Variants in DOCK9 observed in about 807,000 individuals in gnomAD.
DOCK9 encodes dedicator of cytokinesis protein 9.
Under a neutral mutation model 263.3 loss-of-function variants are expected in DOCK9, and 89 were observed. The ratio of observed to expected loss-of-function variants is 0.34; its 90% CI spans 0.28 to 0.40. DOCK9 has a LOEUF of 0.40. Among genes scored for constraint, DOCK9 ranks in the 10% least tolerant of loss-of-function variants. DOCK9 has a pLI of 1.00. For synonymous variants in DOCK9, 976 were observed against 973.1 expected (o/e 1.00, Z -0.06); for missense variants, 2,140 against 2,603.4 (o/e 0.82, Z 3.87).
intron 8 of DOCK9, 104 bp downstream of exon 8, chr13:98,915,225 T>C: frequency 1.8e-6 from 2 of 1,117,310 alleles, no homozygotes; most frequent in East Asian, 5.0e-5. Flanking sequence ...CCGTCCCACC[T>C]CTCATGTACT....
chr13:98,988,217 C>T (rs1210232314), intron 1 of DOCK9, among the ~76,000 whole-genome samples: 1 of 152,032 alleles, frequency 6.6e-6, no homozygotes, highest in South Asian at 2.1e-4. Context: ...GGCAGGTGAG[C>T]GAGGTATTCA....
At chr13:98,852,020 C>T (rs1356072785) in intron 35 of DOCK9, among the ~76,000 whole-genome samples, 1 of 152,076 alleles carries the variant, frequency 6.6e-6, no homozygotes, top group Non-Finnish European at 1.5e-5. Flanking sequence ...TAAAGAATAA[C>T]TTTTACTTGA....
chr13:98,809,184 T>TA, intron 47 of DOCK9, 168 bp downstream of exon 47: 1 of 1,398,496 alleles, frequency 7.2e-7, no homozygotes, highest in African/African-American at 1.5e-5. Flanking sequence ...GAAAGTTTAC[T>TA]ACTGAGGAAG....
At chr13:98,895,000 A>C (rs1456761182) in intron 15 of DOCK9, among the ~76,000 whole-genome samples, 1 of 147,466 alleles carries the variant, frequency 6.8e-6, no homozygotes, top group Non-Finnish European at 1.5e-5. Context: ...GGGGCGTGGC[A>C]GCATGCGCTA....
chr13:98,862,704 A>G (rs1200742949), intron 32 of DOCK9, among the ~76,000 whole-genome samples: 3 of 148,708 alleles, frequency 2.0e-5, no homozygotes, highest in African/African-American at 2.5e-5. Context: ...AAAAAAAAAA[A>G]TGAAGAGAGG....
At chr13:98,971,248 T>G (rs976700429) in intron 1 of DOCK9, among the ~76,000 whole-genome samples, 1 of 152,218 alleles carries the variant, frequency 6.6e-6, no homozygotes, top group Admixed American at 6.5e-5. Flanking sequence ...ACCAGCCAGC[T>G]GGACATTGTT....
intron 1 of DOCK9, among the ~76,000 whole-genome samples, chr13:98,962,560 C>A (rs188151732): frequency 6.6e-6 from 1 of 151,692 alleles, no homozygotes; most frequent in Non-Finnish European, 1.5e-5. Flanking sequence ...AAAGGCAAAG[C>A]CTGGCAAACT....
At chr13:98,901,940 A>G (rs1379101679) in intron 12 of DOCK9, 40 bp from the exon 13 acceptor site, 10 of 1,601,090 alleles carry the variant, frequency 6.2e-6, no homozygotes, top group Non-Finnish European at 8.5e-6. Context: ...CAGAATTCAC[A>G]GCTACGTTAA....
At chr13:98,974,547 C>T (rs1361254924) in intron 1 of DOCK9, among the ~76,000 whole-genome samples, 14 of 151,916 alleles carry the variant, frequency 9.2e-5, no homozygotes, top group Non-Finnish European at 1.6e-4. Context: ...GTCAGGAGTT[C>T]GAAACCAGCC....
At chr13:98,885,231 T>C (rs1480002175) in intron 20 of DOCK9, 139 bp from the exon 21 acceptor site, 5 of 1,173,298 alleles carry the variant, frequency 4.3e-6, no homozygotes, top group Non-Finnish European at 5.9e-6. Context: ...ATGCCCTAAA[T>C]GTAATCTCTG....
At chr13:98,885,614 C>T in intron 20 of DOCK9, 94 bp downstream of exon 20, 1 of 1,381,240 alleles carries the variant, frequency 7.2e-7, no homozygotes, top group Non-Finnish European at 9.7e-7. Flanking sequence ...TTAAAGATCC[C>T]TTTGCAAAAA....
At chr13:98,830,687 C>T (rs970842518) in intron 41 of DOCK9, among the ~76,000 whole-genome samples, 3 of 152,190 alleles carry the variant, frequency 2.0e-5, no homozygotes, top group African/African-American at 4.8e-5. Context: ...AGTTCCTCTA[C>T]AATAACAGTG....
intron 1 of DOCK9, among the ~76,000 whole-genome samples, chr13:99,081,839 A>G (rs768421783): frequency 1.3e-5 from 2 of 152,232 alleles, no homozygotes; most frequent in South Asian, 2.1e-4. Context: ...AATTATGGAA[A>G]GCTAATTCTG....
intron 1 of DOCK9, among the ~76,000 whole-genome samples, chr13:99,082,525 AAT>A (rs200527917): frequency 0.062 from 7,408 of 118,804 alleles, 298 homozygotes; most frequent in Non-Finnish European, 0.099. Context: ...ATCTCAAAAA[AAT>A]AATAATAATA....
chr13:99,000,711 C>A (rs138292132), intron 1 of DOCK9, among the ~76,000 whole-genome samples: 302 of 152,302 alleles, frequency 2.0e-3, no homozygotes, highest in African/African-American at 6.7e-3. Context: ...GCCCCCAAAC[C>A]TTCCATATTC....
At chr13:98,881,490 A>T (rs1328425115) in intron 25 of DOCK9, 68 bp downstream of exon 25, 1 of 1,328,428 alleles carries the variant, frequency 7.5e-7, no homozygotes, top group African/African-American at 1.5e-5. Context: ...CTTGTGAAAA[A>T]ATAAGTCCTT....
At chr13:98,814,499 G>A (rs1156659862) in intron 45 of DOCK9, among the ~76,000 whole-genome samples, 35 of 148,936 alleles carry the variant, frequency 2.3e-4, no homozygotes, top group Admixed American at 4.1e-4. Context: ...TCCACCTCCC[G>A]GATTCAAGTG....
rs1411657024 is a variant in DOCK9 at position 98,868,020 on chromosome 13, G to A, written c.3091-9C>T. On this transcript the variant is annotated splice_polypyrimidine_tract_variant and intron_variant, in intron 28 of 52. Coordinates refer to ENST00000682017, the MANE Select transcript of DOCK9 (RefSeq NM_001366683.2). The stretch of plus-strand genomic sequence containing the variant: ...ATGAAGGTGAAACATCTCTGTGGAG[G>A]AAAACAAGCAAAAAAGTTATTTCAG... 8.1e-6 allele frequency: 13 copies of A among 1,611,258 alleles called. No individual in the cohort carries two copies. Among genetic ancestry groups the A allele is most frequent in the Non-Finnish European group, 1.1e-5 (13 of 1,178,896 alleles).
Position 98,902,905 on chromosome 13 carries a change from T to C in DOCK9, c.1176+67A>G, listed in dbSNP as rs1254340612. On this transcript the variant is annotated intron_variant, in intron 11 of 52. Coordinates refer to ENST00000682017, the MANE Select transcript of DOCK9 (RefSeq NM_001366683.2). Reference sequence around the variant, plus strand: ...CTAGGATTTCTTATCCAGGCTGCACTGTAAAGGTACATCTGAAACCTCTGC... The same window carrying C: ...CTAGGATTTCTTATCCAGGCTGCACCGTAAAGGTACATCTGAAACCTCTGC... 4.3e-6 allele frequency: 6 copies of C among 1,383,122 alleles called. No individual in the cohort carries two copies. The Admixed American group carries it at 1.2e-4, about 27-fold the overall frequency. The allele number at this position is 1,383,122 out of a possible 1,614,324, so 85.7% of individuals were successfully genotyped here. A position where few individuals can be genotyped will look rare whatever the true frequency, so the allele number is the denominator to read the frequency against.
Sources: gnomAD v4.1 joint callset for allele counts (sites outside exome capture counted in the v4.1 genomes callset) on GRCh38, gnomAD v4.1.1 for gene constraint, MANE v1.5 for transcripts, NCBI Gene and HGNC (gene_info 2026-07-23, HGNC 2026-07-21) for gene names.